Variants in TRIQK observed in about 807,000 individuals in gnomAD.
TRIQK encodes the protein triple QxxK/R motif containing, also known as triple QxxK/R motif-containing protein.
TRIQK carries 10 observed loss-of-function variants against 10.8 expected under a neutral mutation model. The observed-to-expected ratio is 0.92, with a 90% CI of 0.57 to 1.57. The LOEUF is 1.57. TRIQK is among the 40% of genes most tolerant of loss of function. The pLI is 0.00. For synonymous variants in TRIQK, 33 were observed against 33.7 expected (o/e 0.98, Z 0.07); for missense variants, 107 against 97.7 (o/e 1.09, Z -0.40).
intron 1 of TRIQK, among the ~76,000 whole-genome samples, chr8:93,006,634 A>G (rs1233901101): frequency 6.6e-6 from 1 of 152,164 alleles, no homozygotes; most frequent in Non-Finnish European, 1.5e-5. Context: ...AGCAGCCATC[A>G]CTGCAGCTCC....
intron 2 of TRIQK, among the ~76,000 whole-genome samples, chr8:92,946,169 A>T (rs1187145480): frequency 1.3e-5 from 2 of 152,206 alleles, no homozygotes; most frequent in African/African-American, 2.4e-5. Context: ...GTAATATCAC[A>T]GCATACAAAC....
rs1315070751 is a variant in TRIQK at position 92,954,388 on chromosome 8, T to C, written c.-22+18A>G. ...AATCAAAACACCTTTTGCAAAATGT[T>C]AAATCAAATAAACACACCTTGCGTT... On this transcript the variant is annotated intron_variant, in intron 2 of 4. Transcript: ENST00000521988. 3 of 151,924 alleles carry C rather than the reference T, an allele frequency of 2.0e-5. No homozygotes were observed. Among genetic ancestry groups the C allele is most frequent in the African/African-American group, 4.8e-5 (2 of 41,416 alleles). 9.4% of individuals were successfully genotyped at this position (151,924 alleles called of 1,614,324 possible).
At chr8:92,956,344 CAATA>C (rs1352379139) in intron 1 of TRIQK, among the ~76,000 whole-genome samples, 139 of 151,390 alleles carry the variant, frequency 9.2e-4, no homozygotes, top group African/African-American at 3.1e-3. Context: ...ATGGGAAGGT[CAATA>C]GAGAAAGAAA....
intron 3 of TRIQK, among the ~76,000 whole-genome samples, chr8:92,911,625 C>G (rs1303673585): frequency 6.6e-6 from 1 of 151,110 alleles, no homozygotes. Flanking sequence ...GCAGGAGTAG[C>G]TATACTTATA....
chr8:92,904,837 C>A (rs1809165057), intron 3 of TRIQK, among the ~76,000 whole-genome samples: 1 of 152,168 alleles, frequency 6.6e-6, no homozygotes, highest in Admixed American at 6.5e-5. Flanking sequence ...ATAAAAGAGA[C>A]AATAATAAAC....
intron 2 of TRIQK, among the ~76,000 whole-genome samples, chr8:92,944,196 A>G (rs1039550516): frequency 6.6e-6 from 1 of 152,042 alleles, no homozygotes; most frequent in Admixed American, 6.6e-5. Context: ...CAAAAAGATA[A>G]TTAAAAAGTA....
At chr8:92,908,254 T>C (rs559684197) in intron 3 of TRIQK, among the ~76,000 whole-genome samples, 5 of 152,284 alleles carry the variant, frequency 3.3e-5, no homozygotes, top group African/African-American at 1.2e-4. Context: ...TCACTGTTTC[T>C]TTCTTTCTCA....
rs544742864 is a variant in TRIQK, at chr8:92,896,980, C to T, written c.62-4906G>A. ...TACAGGCATGCACCACCACGCCTGG[C>T]TAATTTTTGTATTTTTAGTAGAGAT... On this transcript the variant is annotated intron_variant, in intron 3 of 4. Coordinates refer to ENST00000521988, the MANE Select transcript of TRIQK (RefSeq NM_001171797.2). Among the ~76,000 whole-genome samples the T allele has an allele frequency of 5.5e-3, 840 of 152,096 alleles. 3 individuals carry two copies. Among genetic ancestry groups the T allele is most frequent in the Non-Finnish European group, 8.5e-3 (578 of 67,984 alleles).
intron 1 of TRIQK, among the ~76,000 whole-genome samples, chr8:92,991,426 A>C (rs921312197): frequency 2.0e-5 from 3 of 152,304 alleles, no homozygotes; most frequent in East Asian, 3.9e-4. Flanking sequence ...TGCCTCTTCA[A>C]GTGGGTCCCT....
At chr8:92,903,345 T>A (rs1057245358) in intron 3 of TRIQK, among the ~76,000 whole-genome samples, 2 of 152,190 alleles carry the variant, frequency 1.3e-5, no homozygotes, top group African/African-American at 4.8e-5. Context: ...GTAGATTTTT[T>A]AAATAATTCA....
chr8:92,900,024 A>G (rs1250896645), intron 3 of TRIQK, among the ~76,000 whole-genome samples: 1 of 152,160 alleles, frequency 6.6e-6, no homozygotes, highest in East Asian at 1.9e-4. Context: ...ATGTTTTCAT[A>G]CACCTGTTTG....
intron 2 of TRIQK, among the ~76,000 whole-genome samples, chr8:92,949,834 GAA>G (rs1371165081): frequency 6.2e-5 from 5 of 80,676 alleles, no homozygotes; most frequent in African/African-American, 2.4e-4. Flanking sequence ...AAGAAAGAAA[GAA>G]AGAAAGGGAG....
chr8:92,969,410 G>A (rs1254371006), upstream of TRIQK, among the ~76,000 whole-genome samples: 1 of 151,596 alleles, frequency 6.6e-6, no homozygotes, highest in Non-Finnish European at 1.5e-5. Flanking sequence ...AAATTTTATT[G>A]AAAATTATTG....
rs370849504 is a variant in TRIQK at position 92,924,429 on chromosome 8, C to T, written c.-21-7419G>A. The stretch of plus-strand genomic sequence containing the variant: ...CACTAGGAAATTCAGCTTTTACTTC[C>T]TTGACTTTGACAAGCTCATTCGTGT... On this transcript the variant is annotated intron_variant, in intron 2 of 4. Transcript: ENST00000521988. Among the ~76,000 whole-genome samples the T allele has an allele frequency of 5.3e-5, 8 of 152,012 alleles. No individual in the cohort carries two copies. The East Asian group carries it at 1.5e-3, about 29-fold the overall frequency.
chr8:92,941,595 A>G (rs1441159018), intron 2 of TRIQK, among the ~76,000 whole-genome samples: 1 of 152,192 alleles, frequency 6.6e-6, no homozygotes, highest in Admixed American at 6.5e-5. Flanking sequence ...ATCAGAGCAG[A>G]AATAAATAAA....
chr8:92,958,619 C>A (rs1192940251), intron 1 of TRIQK, among the ~76,000 whole-genome samples: 1 of 151,768 alleles, frequency 6.6e-6, no homozygotes, highest in Non-Finnish European at 1.5e-5. Context: ...ATAATAGATT[C>A]CTGAGGTTAA....
chr8:92,959,154 C>T (rs536027028), intron 1 of TRIQK, among the ~76,000 whole-genome samples: 57 of 151,796 alleles, frequency 3.8e-4, no homozygotes, highest in South Asian at 2.1e-3. Flanking sequence ...TTTTTTCAAC[C>T]GTTTAAATAT....
intron 1 of TRIQK, among the ~76,000 whole-genome samples, chr8:92,978,579 A>G (rs1035745707): frequency 6.6e-6 from 1 of 152,154 alleles, no homozygotes; most frequent in African/African-American, 2.4e-5. Flanking sequence ...CAGTAAGAAT[A>G]AAGTCCACTT....
chr8:92,991,995 A>C (rs1813100776), intron 1 of TRIQK, among the ~76,000 whole-genome samples: 1 of 152,128 alleles, frequency 6.6e-6, no homozygotes, highest in Non-Finnish European at 1.5e-5. Context: ...CTGCTCAACG[A>C]AATAAAAGAG....
Sources: allele counts gnomAD v4.1 joint callset (sites outside exome capture counted in the v4.1 genomes callset), GRCh38; gene constraint gnomAD v4.1.1; transcripts MANE v1.5; gene names NCBI Gene and HGNC (gene_info 2026-07-23, HGNC 2026-07-21).